Variants in LYST observed in about 807,000 individuals in gnomAD.
LYST encodes lysosomal-trafficking regulator.
In LYST, 192 loss-of-function variants were observed where a neutral mutation model predicts 413.6. That is an observed-to-expected ratio of 0.46 (90% CI 0.41 to 0.52). The LOEUF (loss-of-function observed/expected upper bound fraction) is 0.52. LYST is among the 20% of genes least tolerant of loss of function. The pLI is 0.00. For synonymous variants in LYST, 1,525 were observed against 1,567.3 expected (o/e 0.97, Z 0.64); for missense variants, 3,815 against 4,499.9 (o/e 0.85, Z 4.35).
chr1:235,853,438 GA>G (rs1177240189), intron 1 of LYST, among the ~76,000 whole-genome samples: 1 of 151,554 alleles, frequency 6.6e-6, no homozygotes, highest in Non-Finnish European at 1.5e-5. Flanking sequence ...AGTTAAAGTA[GA>G]AAAATGTGTT....
At chr1:235,844,777 G>A (rs1467117697) in intron 1 of LYST, among the ~76,000 whole-genome samples, 1 of 151,688 alleles carries the variant, frequency 6.6e-6, no homozygotes, top group African/African-American at 2.4e-5. Context: ...GAGGGGGAGG[G>A]GGAAACTGCA....
rs1669081339 is a variant in LYST at position 235,774,951 on chromosome 1, T to A, written c.5596A>T (p.Ile1866Phe). ...NGLSMIHQVLIKQKCIVGFYI... is the reference protein window; with the variant it reads ...NGLSMIHQVLFKQKCIVGFYI... ...AACCCAACAATGCATTTTTGTTTGA[T>A]CAACACCTGATGAATCATAGAAAGT... is the stretch of plus-strand genomic sequence containing the variant. Residue 1866 changes from isoleucine to phenylalanine, a missense_variant, in exon 18 of 53, where the codon ATC becomes TTC. Around this residue, in one of 4 missense-constraint regions of LYST, gnomAD observed 530 missense variants for 696.5 expected, o/e 0.76. Coordinates refer to ENST00000389793, the MANE Select transcript of LYST (RefSeq NM_000081.4). 1 of 1,610,834 alleles carries A rather than the reference T, an allele frequency of 6.2e-7. No individual in the cohort carries two copies. Among genetic ancestry groups the A allele is most frequent in the African/African-American group, 1.3e-5 (1 of 74,860 alleles).
At position 235,674,033 on chromosome 1, in the gene LYST, C is replaced by T. The variant is rs1659178925; in HGVS notation, c.11038+3058G>A. ...ACTGCATAGCAGCTCTCTTCCAAGA[C>T]CCCACAGCCCGGGGCAATAAGGCAT... On this transcript the variant is annotated intron_variant, in intron 50 of 52. Transcript: ENST00000389793. The surrounding 1 kb of genome is among the most constrained non-coding windows in gnomAD (Gnocchi z 4.1). 6.6e-6 allele frequency among the ~76,000 whole-genome samples: 1 copy of T among 152,178 alleles called. No individual in the cohort carries two copies. Among genetic ancestry groups the T allele is most frequent in the Non-Finnish European group, 1.5e-5 (1 of 68,040 alleles).
intron 30 of LYST, among the ~76,000 whole-genome samples, chr1:235,743,225 T>C (rs1174511829): frequency 6.6e-6 from 1 of 152,172 alleles, no homozygotes; most frequent in Non-Finnish European, 1.5e-5. Context: ...AAATCACCTG[T>C]ATCTGGTTCA....
chr1:235,793,260 G>A (rs1402817938), intron 11 of LYST, among the ~76,000 whole-genome samples: 1 of 152,104 alleles, frequency 6.6e-6, no homozygotes, highest in African/African-American at 2.4e-5. Flanking sequence ...AACTGGGGAT[G>A]GGGTGGGTAA....
intron 13 of LYST, 90 bp from the exon 14 acceptor site, chr1:235,787,463 A>C: frequency 1.9e-6 from 2 of 1,074,234 alleles, no homozygotes; most frequent in Non-Finnish European, 2.8e-6. Flanking sequence ...ATTCTAAATA[A>C]GTAAGATTAA....
chr1:235,680,928 A>G (rs1659765514), intron 48 of LYST, among the ~76,000 whole-genome samples: 1 of 152,088 alleles, frequency 6.6e-6, no homozygotes, highest in Admixed American at 6.5e-5. Context: ...ACAGAGAGAG[A>G]CAGGTAATGT....
intron 17 of LYST, among the ~76,000 whole-genome samples, chr1:235,776,692 T>G (rs569800160): frequency 9.2e-5 from 14 of 152,128 alleles, no homozygotes; most frequent in South Asian, 2.1e-4. Context: ...AATTAAAGTT[T>G]TTTTTTTTTT....
chr1:235,741,302 G>A, intron 31 of LYST, 120 bp downstream of exon 31: 3 of 917,928 alleles, frequency 3.3e-6, no homozygotes, highest in Non-Finnish European at 5.2e-6. Flanking sequence ...AATTTGCTTG[G>A]TAAGAAAATT....
chr1:235,827,811 T>C (rs1675501298), intron 3 of LYST: 2 of 820,708 alleles, frequency 2.4e-6, no homozygotes, highest in African/African-American at 1.9e-5. Flanking sequence ...TCTTAAAATA[T>C]ATCTTATGAC....
intron 31 of LYST, chr1:235,738,216 A>G: frequency 3.7e-6 from 6 of 1,610,648 alleles, no homozygotes; most frequent in South Asian, 1.1e-5. Flanking sequence ...CCTTTTCCTT[A>G]GAACACCAAA....
At chr1:235,768,936 T>C (rs1668396606) in intron 20 of LYST, among the ~76,000 whole-genome samples, 1 of 152,094 alleles carries the variant, frequency 6.6e-6, no homozygotes, top group Non-Finnish European at 1.5e-5. Context: ...TAAAATGTTT[T>C]TGTGTTTTTG....
At chr1:235,668,343 C>T (rs1464127207) in intron 50 of LYST, among the ~76,000 whole-genome samples, 1 of 152,066 alleles carries the variant, frequency 6.6e-6, no homozygotes, top group African/African-American at 2.4e-5. Flanking sequence ...GTCTGGGTCG[C>T]TACAGATAAA....
At chr1:235,819,848 G>A (rs879357644) in intron 3 of LYST, among the ~76,000 whole-genome samples, 3 of 152,026 alleles carry the variant, frequency 2.0e-5, no homozygotes, top group African/African-American at 7.2e-5. Flanking sequence ...GGGTATCACC[G>A]TGTTAGCCAG....
At chr1:235,866,071 G>T (rs1432739442) in intron 1 of LYST, among the ~76,000 whole-genome samples, 1 of 152,206 alleles carries the variant, frequency 6.6e-6, no homozygotes. Context: ...TTAAGGAAAC[G>T]TTTCTTAAAG....
chr1:235,846,042 T>C lies in LYST; in HGVS notation c.-97-12375A>G, dbSNP rs536506237. On this transcript the variant is annotated intron_variant, in intron 1 of 52. Coordinates refer to ENST00000389793, the MANE Select transcript of LYST (RefSeq NM_000081.4). ...GGCAGGAGGCCAACCAGCACAAAAATAGAGCATTAAAACATGGCCAACCAG... is the reference window on the plus strand; with the variant it reads ...GGCAGGAGGCCAACCAGCACAAAAACAGAGCATTAAAACATGGCCAACCAG... Among the ~76,000 whole-genome samples, 6 of 152,126 alleles carry C rather than the reference T, an allele frequency of 3.9e-5. No homozygotes were observed. In the South Asian group the frequency reaches 6.2e-4, roughly 16 times the overall value.
In LYST at chr1:235,728,145, T is replaced by C. The variant is rs1441706262; in HGVS notation, c.9107-14A>G. ...TTCCACATTTACCTGCAGAAAGTAA[T>C]TGGATATAAGGGTTTTAAAATGTAT... is the stretch of plus-strand genomic sequence containing the variant. On this transcript the variant is annotated splice_polypyrimidine_tract_variant and intron_variant, in intron 37 of 52. Transcript: ENST00000389793. 1 of 1,597,062 alleles carries C rather than the reference T, an allele frequency of 6.3e-7. No homozygotes were observed. The highest frequency in any genetic ancestry group is 1.1e-5 in the South Asian group (1 of 90,734).
chr1:235,731,200 G>T, intron 34 of LYST, 23 bp from the exon 35 acceptor site: 1 of 1,611,628 alleles, frequency 6.2e-7, no homozygotes, highest in South Asian at 1.1e-5. Flanking sequence ...AGATTAAAGG[G>T]TGTTTTAAGT....
Position 235,703,624 on chromosome 1 carries a change from G to T in LYST, c.10144-647C>A, listed in dbSNP as rs537869071. On this transcript the variant is annotated intron_variant, in intron 44 of 52. Transcript: ENST00000389793. Reference sequence around the variant, plus strand: ...CTTTTCGTATATTTAATCAGTCATAGTGGCTTTCATTACATATCTAGACAT... The same window carrying T: ...CTTTTCGTATATTTAATCAGTCATATTGGCTTTCATTACATATCTAGACAT... Among the ~76,000 whole-genome samples, 463 of 152,262 alleles carry T rather than the reference G, an allele frequency of 3.0e-3. 2 individuals carry two copies. The highest frequency in any genetic ancestry group is 0.011 in the African/African-American group (442 of 41,550).
Sources: gnomAD v4.1 joint callset for allele counts (sites outside exome capture counted in the v4.1 genomes callset) on GRCh38, gnomAD v4.1.1 for gene constraint, gnomAD v4.1.1 regional missense constraint, Gnocchi (gnomAD v3.1) non-coding constraint, MANE v1.5 for transcripts, NCBI Gene and HGNC (gene_info 2026-07-23, HGNC 2026-07-21) for gene names.